ERBB4: variants seen among roughly 807,000 people sequenced by gnomAD.
The protein encoded by ERBB4 is erb-b2 receptor tyrosine kinase 4.
ERBB4 carries 42 observed loss-of-function variants against 158.0 expected under a neutral mutation model. The ratio of observed to expected loss-of-function variants is 0.27; its 90% CI spans 0.21 to 0.34. The LOEUF is 0.34. Among genes scored for constraint, ERBB4 ranks in the 10% least tolerant of loss-of-function variants. The pLI is 1.00. For missense variants in ERBB4, 1,333 were observed against 1,624.1 expected (o/e 0.82, Z 3.08); for synonymous variants, 583 against 558.7 (o/e 1.04, Z -0.61).
chr2:211,733,456 G>GCAGAAAA (rs1559468981), intron 5 of ERBB4, among the ~76,000 whole-genome samples: 1 of 147,404 alleles, frequency 6.8e-6, no homozygotes, highest in African/African-American at 2.7e-5. Flanking sequence ...GAATACCATA[G>GCAGAAAA]TATTTTTAAG....
intron 1 of ERBB4, among the ~76,000 whole-genome samples, chr2:212,394,897 C>T (rs1016364282): frequency 6.6e-6 from 1 of 152,124 alleles, no homozygotes; most frequent in Admixed American, 6.6e-5. Flanking sequence ...TTGGGATACA[C>T]TGACCTGAAG....
intron 20 of ERBB4, among the ~76,000 whole-genome samples, chr2:211,534,119 A>G (rs760460962): frequency 4.6e-5 from 7 of 152,060 alleles, no homozygotes; most frequent in Non-Finnish European, 1.0e-4. Flanking sequence ...AATCCTTCTC[A>G]GAGTAGGAAT....
chr2:212,376,917 C>T (rs2090342103), intron 1 of ERBB4, among the ~76,000 whole-genome samples: 1 of 151,922 alleles, frequency 6.6e-6, no homozygotes, highest in South Asian at 2.1e-4. Flanking sequence ...TGAGAAAACA[C>T]AATTTTATTT....
chr2:211,885,980 A>G (rs1391466885), intron 3 of ERBB4, among the ~76,000 whole-genome samples: 2 of 152,222 alleles, frequency 1.3e-5, no homozygotes, highest in Non-Finnish European at 2.9e-5. Context: ...AATTCTGTTA[A>G]TAAATTTTCT....
At chr2:211,853,182 T>C (rs1321877677) in intron 3 of ERBB4, among the ~76,000 whole-genome samples, 2 of 151,976 alleles carry the variant, frequency 1.3e-5, no homozygotes, top group East Asian at 3.9e-4. Flanking sequence ...AGGCTGGAAA[T>C]AGAGATCAGA....
chr2:212,163,006 C>T (rs1167588282), intron 1 of ERBB4, among the ~76,000 whole-genome samples: 3 of 151,888 alleles, frequency 2.0e-5, no homozygotes, highest in African/African-American at 4.8e-5. Flanking sequence ...TTTTTACTCA[C>T]ATCAGCATTC....
chr2:211,666,383 A>G (rs778400532), intron 14 of ERBB4, among the ~76,000 whole-genome samples: 1 of 152,174 alleles, frequency 6.6e-6, no homozygotes, highest in Non-Finnish European at 1.5e-5. Context: ...CATTCTATAT[A>G]TTTATGTTTA....
intron 20 of ERBB4, among the ~76,000 whole-genome samples, chr2:211,487,337 T>C (rs1225242375): frequency 1.3e-5 from 2 of 151,680 alleles, no homozygotes; most frequent in Non-Finnish European, 2.9e-5. Context: ...ACTATTTATG[T>C]ACTATGTTAA....
At chr2:211,822,230 TAC>T (rs2077011058) in intron 3 of ERBB4, among the ~76,000 whole-genome samples, 1 of 151,948 alleles carries the variant, frequency 6.6e-6, no homozygotes, top group Admixed American at 6.6e-5. Context: ...TCTACTGTTC[TAC>T]AGCACTGTAG....
At chr2:211,525,390 C>G (rs1242762125) in intron 20 of ERBB4, among the ~76,000 whole-genome samples, 1 of 152,104 alleles carries the variant, frequency 6.6e-6, no homozygotes, top group African/African-American at 2.4e-5. Context: ...AGTTGTAAGG[C>G]CTCTATTCCA....
Position 211,499,110 on chromosome 2 carries a change from C to T in ERBB4, c.2487+62793G>A, listed in dbSNP as rs914701589. On this transcript the variant is annotated intron_variant, in intron 20 of 27. Coordinates refer to ENST00000342788, the MANE Select transcript of ERBB4 (RefSeq NM_005235.3). ...GTTCTGGAATGAATAAGCAAACACACTCATCATTCCTCCTCATACTCAATA... is the reference window on the plus strand; with the variant it reads ...GTTCTGGAATGAATAAGCAAACACATTCATCATTCCTCCTCATACTCAATA... Among the ~76,000 whole-genome samples, 18 of 152,136 alleles carry T rather than the reference C, an allele frequency of 1.2e-4. 1 individual carries two copies.
At chr2:212,450,633 T>C (rs1330821918) in intron 1 of ERBB4, among the ~76,000 whole-genome samples, 2 of 152,034 alleles carry the variant, frequency 1.3e-5, no homozygotes, top group South Asian at 2.1e-4. Context: ...GATAACAACA[T>C]GTGTGTTGTT....
At chr2:212,178,023 A>G (rs2081732106) in intron 1 of ERBB4, among the ~76,000 whole-genome samples, 1 of 151,508 alleles carries the variant, frequency 6.6e-6, no homozygotes, top group African/African-American at 2.4e-5. Flanking sequence ...CAAACAGTGT[A>G]AAACAGTATG....
At chr2:212,017,081 C>T (rs979889674) in intron 2 of ERBB4, among the ~76,000 whole-genome samples, 2 of 152,190 alleles carry the variant, frequency 1.3e-5, no homozygotes, top group Admixed American at 1.3e-4. Flanking sequence ...AAAAAGAGCA[C>T]ACACAAGTAT....
intron 1 of ERBB4, among the ~76,000 whole-genome samples, chr2:212,414,821 G>A (rs986011494): frequency 2.0e-5 from 3 of 152,294 alleles, no homozygotes; most frequent in African/African-American, 7.2e-5. Context: ...CTCACAGTCT[G>A]TGACCAGACT....
At chr2:211,492,520 T>G (rs1370229892) in intron 20 of ERBB4, among the ~76,000 whole-genome samples, 2 of 152,108 alleles carry the variant, frequency 1.3e-5, no homozygotes, top group African/African-American at 4.8e-5. Context: ...GCATAAATAC[T>G]CTCATTTAAT....
At chr2:211,778,545 C>T (rs568737720) in intron 4 of ERBB4, 2 of 152,262 alleles carry the variant, frequency 1.3e-5, no homozygotes, top group East Asian at 3.9e-4. Flanking sequence ...ATATGGCATT[C>T]CCCCGGATAA....
At chr2:212,208,970 G>A (rs1051010458) in intron 1 of ERBB4, among the ~76,000 whole-genome samples, 5 of 151,954 alleles carry the variant, frequency 3.3e-5, no homozygotes, top group African/African-American at 4.8e-5. Context: ...ATGCTCTCCC[G>A]ATTTATCTCC....
intron 1 of ERBB4, among the ~76,000 whole-genome samples, chr2:212,431,422 T>C (rs2092028006): frequency 6.6e-6 from 1 of 151,376 alleles, no homozygotes. Context: ...TTAAAACGTA[T>C]ACAGAATCTC....
Sources: gnomAD v4.1 joint callset for allele counts (sites outside exome capture counted in the v4.1 genomes callset) on GRCh38, gnomAD v4.1.1 for gene constraint, MANE v1.5 for transcripts, NCBI Gene and HGNC (gene_info 2026-07-23, HGNC 2026-07-21) for gene names.